ADCY9: variants seen among roughly 807,000 people sequenced by gnomAD.
The protein encoded by ADCY9 is adenylate cyclase 9, also known as adenylate cyclase type 9.
A neutral mutation model predicts 101.5 loss-of-function variants in ADCY9; 50 were observed. The observed-to-expected ratio is 0.49, with a 90% CI of 0.39 to 0.62. The LOEUF is 0.62. Ranked by LOEUF, ADCY9 falls within the 20% of genes least tolerant of loss-of-function variation. The probability of loss-of-function intolerance (pLI) is 0.00; values close to 1 mark genes in which losing one functional copy is unlikely to be tolerated. For missense variants in ADCY9, 1,662 were observed against 1,800.4 expected (o/e 0.92, Z 1.39); for synonymous variants, 905 against 769.3 (o/e 1.18, Z -2.92).
rs560377390 is a variant in ADCY9, at chr16:4,084,823, T to C, written c.1693+28927A>G. On this transcript the variant is annotated intron_variant, in intron 2 of 10. Coordinates refer to ENST00000294016, the MANE Select transcript of ADCY9 (RefSeq NM_001116.4). ...ATAGCCAAACTGAGCCGCCTGCTAG[T>C]TATCAGAAACCCAACAAGGAACGAC... Among the ~76,000 whole-genome samples the C allele has an allele frequency of 5.3e-5, 8 of 152,250 alleles. No homozygotes were observed. In the South Asian group the frequency reaches 1.7e-3, roughly 32 times the overall value.
At chr16:4,109,801 A>G (rs2057101967) in intron 2 of ADCY9, among the ~76,000 whole-genome samples, 2 of 152,002 alleles carry the variant, frequency 1.3e-5, no homozygotes, top group Non-Finnish European at 2.9e-5. Context: ...TCTCTTTCCA[A>G]CCCACACTCA....
chr16:4,043,363 T>C (rs985022852), intron 2 of ADCY9, among the ~76,000 whole-genome samples: 1 of 151,626 alleles, frequency 6.6e-6, no homozygotes, highest in African/African-American at 2.4e-5. Flanking sequence ...TCAGAAGCGG[T>C]TCCCTCGTTT....
At chr16:3,958,673 C>CTTTTTTTTTTTTTT (rs1207846349), downstream of ADCY9, among the ~76,000 whole-genome samples, 29 of 102,996 alleles carry the variant, frequency 2.8e-4, 5 homozygotes, top group African/African-American at 9.6e-4. Flanking sequence ...TCGTCGGTTA[C>CTTTTTTTTTTTTTT]TTTTTTTTTT....
At chr16:4,002,882 A>C (rs1240159576) in intron 3 of ADCY9, among the ~76,000 whole-genome samples, 1 of 152,032 alleles carries the variant, frequency 6.6e-6, no homozygotes, top group Non-Finnish European at 1.5e-5. Context: ...CACCTGGCTA[A>C]TTTTTGTATT....
intron 2 of ADCY9, among the ~76,000 whole-genome samples, chr16:4,110,811 G>A (rs555923436): frequency 1.3e-5 from 2 of 152,312 alleles, no homozygotes; most frequent in African/African-American, 4.8e-5. Flanking sequence ...CAGTAACTCC[G>A]GGTGTGGCCA....
chr16:4,099,766 T>A (rs445746), intron 2 of ADCY9, among the ~76,000 whole-genome samples: 135,885 of 152,278 alleles, frequency 0.89, 60,777 homozygotes, highest in East Asian at 1. Context: ...TAAGAAACCA[T>A]CTCAGCTGGG....
chr16:4,012,851 G>C (rs1175112972), intron 2 of ADCY9, among the ~76,000 whole-genome samples: 6 of 152,188 alleles, frequency 3.9e-5, no homozygotes, highest in Non-Finnish European at 8.8e-5. Flanking sequence ...TGATGGGCGA[G>C]GCCCATTTCT....
intron 6 of ADCY9, among the ~76,000 whole-genome samples, chr16:3,988,648 G>A (rs2056217768): frequency 7.5e-6 from 1 of 133,850 alleles, no homozygotes; most frequent in Non-Finnish European, 1.6e-5. Flanking sequence ...TCCAAGGCAG[G>A]TGGGGGGGTT....
At chr16:3,979,561 G>C (rs964178081) in intron 7 of ADCY9, among the ~76,000 whole-genome samples, 1 of 152,252 alleles carries the variant, frequency 6.6e-6, no homozygotes, top group Non-Finnish European at 1.5e-5. Context: ...GAACACGTGA[G>C]AGTATCACAG....
At chr16:3,988,025 G>A (rs552305494) in intron 6 of ADCY9, among the ~76,000 whole-genome samples, 1 of 148,732 alleles carries the variant, frequency 6.7e-6, no homozygotes, top group East Asian at 2.0e-4. Flanking sequence ...TGTTGGGACT[G>A]TGCTGGAGGC....
At chr16:4,031,723 A>T (rs1297510784) in intron 2 of ADCY9, among the ~76,000 whole-genome samples, 4 of 151,878 alleles carry the variant, frequency 2.6e-5, no homozygotes, top group Non-Finnish European at 5.9e-5. Context: ...TGGCTAATAC[A>T]AAAATTAATC....
chr16:3,954,152 G>C (rs762877949), intron 5 of ADCY9, among the ~76,000 whole-genome samples: 1 of 152,214 alleles, frequency 6.6e-6, no homozygotes, highest in Non-Finnish European at 1.5e-5. Context: ...AGGCCCCACT[G>C]ACGCACCCCG....
intron 10 of ADCY9, among the ~76,000 whole-genome samples, chr16:3,970,178 C>A (rs1333319530): frequency 6.6e-6 from 1 of 152,088 alleles, no homozygotes; most frequent in Non-Finnish European, 1.5e-5. Flanking sequence ...GTTTAGACAG[C>A]TCCATCACAC....
In ADCY9 at chr16:4,066,413, G is replaced by T. The variant is rs960675419; in HGVS notation, c.1693+47337C>A. The stretch of plus-strand genomic sequence containing the variant: ...TTTACCTATTTATTTAGAGATGGAG[G>T]TCTCACTCTGTTGCCCAGGCTGGAG... On this transcript the variant is annotated intron_variant, in intron 2 of 10. Transcript: ENST00000294016. Among the ~76,000 whole-genome samples the T allele has an allele frequency of 1.3e-5, 2 of 152,048 alleles. 1 individual carries two copies. Among genetic ancestry groups the T allele is most frequent in the South Asian group, 4.1e-4 (2 of 4,830 alleles).
intron 2 of ADCY9, among the ~76,000 whole-genome samples, chr16:4,090,024 G>C (rs943670459): frequency 6.6e-6 from 1 of 152,116 alleles, no homozygotes; most frequent in African/African-American, 2.4e-5. Context: ...TTAACAGCTT[G>C]GCAGGCATCC....
intron 2 of ADCY9, among the ~76,000 whole-genome samples, chr16:4,028,971 G>A (rs2056536198): frequency 6.6e-6 from 1 of 152,016 alleles, no homozygotes; most frequent in Non-Finnish European, 1.5e-5. Context: ...TTTTAGTAGA[G>A]ACGGGGTTTC....
At chr16:4,012,076 T>G (rs189534703) in intron 2 of ADCY9, among the ~76,000 whole-genome samples, 112 of 152,386 alleles carry the variant, frequency 7.3e-4, no homozygotes, top group Admixed American at 1.6e-3. Context: ...TGCTCCTGAT[T>G]TGTTTCTGAC....
chr16:4,075,792 T>C (rs779199535), intron 2 of ADCY9, among the ~76,000 whole-genome samples: 1 of 152,058 alleles, frequency 6.6e-6, no homozygotes, highest in African/African-American at 2.4e-5. Flanking sequence ...CCAACGGAGA[T>C]GCTACTGGAT....
chr16:3,986,052 C>T (rs1418189407), intron 6 of ADCY9, among the ~76,000 whole-genome samples: 1 of 152,274 alleles, frequency 6.6e-6, no homozygotes, highest in Non-Finnish European at 1.5e-5. Context: ...TCACTACCCA[C>T]ATCCCAGGGC....
Sources: gnomAD v4.1 joint callset for allele counts (sites outside exome capture counted in the v4.1 genomes callset) on GRCh38, gnomAD v4.1.1 for gene constraint, MANE v1.5 for transcripts, NCBI Gene and HGNC (gene_info 2026-07-23, HGNC 2026-07-21) for gene names.